DCST2: variants seen among roughly 807,000 people sequenced by gnomAD.
DCST2 encodes DC-STAMP domain containing 2.
In DCST2, 64 loss-of-function variants were observed where a neutral mutation model predicts 81.8. The ratio of observed to expected loss-of-function variants is 0.78; its 90% CI spans 0.64 to 0.96. The LOEUF (loss-of-function observed/expected upper bound fraction) is 0.96. Among genes scored for constraint, DCST2 ranks in the 40% least tolerant of loss-of-function variants. The pLI, the probability that DCST2 is intolerant of heterozygous loss-of-function variation, is 0.00. For missense variants in DCST2, 945 were observed against 1,001.4 expected (o/e 0.94, Z 0.76); for synonymous variants, 354 against 402.6 (o/e 0.88, Z 1.44).
chr1:155,029,442 C>T (rs760842171), intron 7 of DCST2, 45 bp from the exon 8 acceptor site: 70 of 1,594,712 alleles, frequency 4.4e-5, no homozygotes, highest in African/African-American at 8.0e-5. Context: ...CCAGTTCTCC[C>T]GTCCACCAGA....
chr1:155,023,005 G>A, intron 14 of DCST2, 112 bp downstream of exon 14: 1 of 1,479,902 alleles, frequency 6.8e-7, no homozygotes, highest in Non-Finnish European at 9.0e-7. Flanking sequence ...CTCCCCTCAT[G>A]TCTGTTTCAA....
At position 155,030,826 on chromosome 1, in the gene DCST2, G is replaced by A. The variant is rs41264281; in HGVS notation, c.806-181C>T. On this transcript the variant is annotated intron_variant, in intron 5 of 14. Transcript: ENST00000368424. The stretch of plus-strand genomic sequence containing the variant: ...AAAGCCTCCACGTATCTGTGCCATC[G>A]CCATCACATGCTCAGCACCCAGCAT... 3.8e-3 allele frequency: 2,414 copies of A among 637,372 alleles called. 10 individuals are homozygous for A. The highest frequency in any genetic ancestry group is 5.1e-3 in the Non-Finnish European group (1,861 of 367,278). The allele number at this position is 637,372 out of a possible 1,614,324, so 39.5% of individuals were successfully genotyped here.
chr1:155,027,719 C>T (rs910061483), intron 8 of DCST2, among the ~76,000 whole-genome samples: 1 of 149,476 alleles, frequency 6.7e-6, no homozygotes, highest in Non-Finnish European at 1.5e-5. Context: ...CACCACTATG[C>T]CTGGCTCATT....
rs758217116 is a variant in DCST2, at chr1:155,026,643, G to A, written c.1415C>T (p.Ala472Val). The A allele has an allele frequency of 6.2e-7, 1 of 1,614,228 alleles. No individual in the cohort carries two copies. Among genetic ancestry groups the A allele is most frequent in the Admixed American group, 1.7e-5 (1 of 60,030 alleles). The change falls in exon 9 of 15, where the codon GCA (alanine) becomes GTA (valine). Residue 472 changes from alanine to valine, a missense_variant. Physicochemically the swap from Ala to Val is moderately conservative, Grantham distance 64. Transcript: ENST00000368424. Reference sequence around the variant, plus strand: ...GTTGCCTTGCTGCAGGACATCAAATGCTGACACCAGGTCACGATAAATATT... The same window carrying A: ...GTTGCCTTGCTGCAGGACATCAAATACTGACACCAGGTCACGATAAATATT... ...AGNIYRDLVS[A>V]FDVLQQGNIS...
At chr1:155,024,727 C>G in intron 10 of DCST2, 125 bp from the exon 11 acceptor site, 2 of 1,133,002 alleles carry the variant, frequency 1.8e-6, no homozygotes, top group Non-Finnish European at 2.3e-6. Context: ...AGGTTTGGCT[C>G]AAATGCCCCT....
intron 8 of DCST2, among the ~76,000 whole-genome samples, chr1:155,027,127 G>C (rs1659934036): frequency 6.6e-6 from 1 of 151,548 alleles, no homozygotes; most frequent in Non-Finnish European, 1.5e-5. Context: ...CAACTTCCCA[G>C]GTTTGAGTGA....
At chr1:155,026,124 C>T (rs896440046) in intron 10 of DCST2, among the ~76,000 whole-genome samples, 178 bp downstream of exon 10, 25 of 151,964 alleles carry the variant, frequency 1.6e-4, no homozygotes, top group African/African-American at 5.6e-4. Flanking sequence ...CACCATTTCT[C>T]CCAGCCCCAT....
In DCST2 at chr1:155,032,698, A is replaced by T. The variant is rs1472116770; in HGVS notation, c.510T>A (p.Phe170Leu). 6.2e-7 allele frequency: 1 copy of T among 1,613,984 alleles called. No individual in the cohort carries two copies. Among genetic ancestry groups the T allele is most frequent in the Non-Finnish European group, 8.5e-7 (1 of 1,179,996 alleles). The change falls in exon 3 of 15, where the codon TTT becomes TTA. Residue 170 changes from phenylalanine to leucine, a missense_variant. Phe to Leu is a conservative substitution (Grantham distance 22, BLOSUM62 0). Coordinates refer to ENST00000368424, the MANE Select transcript of DCST2 (RefSeq NM_144622.3). Reference protein sequence around the residue: ...KEVADRVRKFFRSIMDGVKHI... With the variant: ...KEVADRVRKFLRSIMDGVKHI... Reference sequence around the variant, plus strand: ...GTTTCACACCATCCATGATTGACCGAAAGAACTTGCGGACCCGGTCAGCCA... The same window carrying T: ...GTTTCACACCATCCATGATTGACCGTAAGAACTTGCGGACCCGGTCAGCCA...
At chr1:155,031,110 C>A (rs1012735928) in intron 5 of DCST2, 59 bp downstream of exon 5, 2 of 1,541,842 alleles carry the variant, frequency 1.3e-6, no homozygotes, top group Non-Finnish European at 8.7e-7. Flanking sequence ...ATGGCCACAC[C>A]GGGATGAGGG....
At chr1:155,024,126 C>G (rs531427945) in intron 11 of DCST2, among the ~76,000 whole-genome samples, 167 bp from the exon 12 acceptor site, 5 of 152,176 alleles carry the variant, frequency 3.3e-5, no homozygotes, top group Non-Finnish European at 1.5e-5. Flanking sequence ...CTTCCTTCCT[C>G]CCTTCACTCC....
chr1:155,031,515 T>TTGCCCCCCCCC, intron 4 of DCST2, 59 bp downstream of exon 4: 2 of 643,126 alleles, frequency 3.1e-6, no homozygotes, highest in Non-Finnish European at 5.8e-6. Flanking sequence ...ACCCCCACAT[T>TTGCCCCCCCCC]CCCACCCCAC....
Position 155,018,549 on chromosome 1 carries a change from TG to T in DCST2, c.2316del (p.Lys773AsnfsTer?), listed in dbSNP as rs1205509275. The T allele has an allele frequency of 1.2e-6, 2 of 1,610,132 alleles. No individual in the cohort carries two copies. Among genetic ancestry groups the T allele is most frequent in the African/African-American group, 1.3e-5 (1 of 74,804 alleles). On this transcript the variant is annotated frameshift_variant, in exon 15 of 15. Coordinates refer to ENST00000368424, the MANE Select transcript of DCST2 (RefSeq NM_144622.3). LOFTEE classifies it high-confidence loss of function. ...CACTTGTGTCCACTTTTGGTTTATT[TG>T]GGGGGTGGGTGGGAAGGATCAGGAA... ...PSLPDPSHPPPK is the reference protein window; with the variant it reads ...PSLPDPSHPPXK
In DCST2 at chr1:155,033,122, C is replaced by A; in HGVS notation, c.411G>T (p.Val137=). Reference sequence around the variant, plus strand: ...CAAGAGGTTGCTTGGCCCTCTGTAGCACTTCGGCGGTCTGGTTCAGGGCCA... The same window carrying A: ...CAAGAGGTTGCTTGGCCCTCTGTAGAACTTCGGCGGTCTGGTTCAGGGCCA... The part of the protein sequence containing the change: ...AELALNQTAE[V]LQRAKQPLVS... The change falls in exon 2 of 15, where the codon GTG becomes GTT. Residue 137 remains valine, a synonymous_variant. Coordinates refer to ENST00000368424, the MANE Select transcript of DCST2 (RefSeq NM_144622.3). 1 of 1,594,472 alleles carries A rather than the reference C, an allele frequency of 6.3e-7. No homozygotes were observed. The highest frequency in any genetic ancestry group is 8.5e-7 in the Non-Finnish European group (1 of 1,171,284).
chr1:155,033,735 G>A lies in DCST2; in HGVS notation c.-34C>T. On this transcript the variant is annotated 5_prime_UTR_variant, in exon 1 of 15. Coordinates refer to ENST00000368424, the MANE Select transcript of DCST2 (RefSeq NM_144622.3). ...AGACCAAATGTCTGCCTGTCTCCAG[G>A]AGATGCCCGCTGACTTCTGTGCTCC... 1 of 1,598,906 alleles carries A rather than the reference G, an allele frequency of 6.3e-7. No individual in the cohort carries two copies. Among genetic ancestry groups the A allele is most frequent in the Non-Finnish European group, 8.5e-7 (1 of 1,171,080 alleles).
chr1:155,023,853 A>C lies in DCST2; in HGVS notation c.1849T>G (p.Cys617Gly). The C allele has an allele frequency of 6.2e-7, 1 of 1,613,756 alleles. No individual in the cohort carries two copies. The highest frequency in any genetic ancestry group is 8.5e-7 in the Non-Finnish European group (1 of 1,179,948). The change falls in exon 12 of 15, where the codon TGC (cysteine) becomes GGC (glycine). Residue 617 changes from cysteine (C) to glycine (G), a missense_variant. Physicochemically the swap from Cys to Gly is radical, Grantham distance 159 (BLOSUM62 -3). Coordinates refer to ENST00000368424, the MANE Select transcript of DCST2 (RefSeq NM_144622.3). The part of the protein sequence containing the change: ...DEGDMENTVS[C>G]STPGCQGLYC... ...TCACCTTGGCAGCCGGGGGTACTGCAGGACACAGTGTTCTCCATGTCTCCC... is the reference window on the plus strand; with the variant it reads ...TCACCTTGGCAGCCGGGGGTACTGCCGGACACAGTGTTCTCCATGTCTCCC...
chr1:155,031,515 T>TCCCCCCC, intron 4 of DCST2, 59 bp downstream of exon 4: 69 of 643,052 alleles, frequency 1.1e-4, no homozygotes, highest in East Asian at 2.4e-4. Context: ...ACCCCCACAT[T>TCCCCCCC]CCCACCCCAC....
intron 14 of DCST2, among the ~76,000 whole-genome samples, chr1:155,019,970 C>T (rs532497699): frequency 6.6e-6 from 1 of 152,344 alleles, no homozygotes; most frequent in South Asian, 2.1e-4. Flanking sequence ...GCTCTCTCAG[C>T]AGGTGCTCTT....
rs1209294403 is a variant in DCST2, at chr1:155,024,492, G to A, written c.1722C>T (p.Ala574=). Reference sequence around the variant, plus strand: ...CTCACCGACTGGCCAGCACTAGGAAGGCACTTCTGTGGCCCTGGTCAGCCG... The same window carrying A: ...CTCACCGACTGGCCAGCACTAGGAAAGCACTTCTGTGGCCCTGGTCAGCCG... ...RRAADQGHRS[A]FLVLASRCPC... The change falls in exon 11 of 15, where the codon GCC becomes GCT. Residue 574 remains alanine (A), a synonymous_variant. Coordinates refer to ENST00000368424, the MANE Select transcript of DCST2 (RefSeq NM_144622.3). 2 of 1,606,772 alleles carry A rather than the reference G, an allele frequency of 1.2e-6. No individual in the cohort carries two copies. The highest frequency in any genetic ancestry group is 1.7e-6 in the Non-Finnish European group (2 of 1,176,404).
chr1:155,025,399 G>A (rs1457886032), intron 10 of DCST2, among the ~76,000 whole-genome samples: 2 of 152,068 alleles, frequency 1.3e-5, no homozygotes, highest in East Asian at 3.9e-4. Context: ...CGCAATCTCG[G>A]CTCACTGCAA....
Sources: allele counts gnomAD v4.1 joint callset (sites outside exome capture counted in the v4.1 genomes callset), GRCh38; gene constraint gnomAD v4.1.1; transcripts MANE v1.5; gene names NCBI Gene and HGNC (gene_info 2026-07-23, HGNC 2026-07-21).